Variants in CCDC195 observed in about 807,000 individuals in gnomAD.
CCDC195 encodes coiled-coil domain containing 195, also known as coiled-coil domain-containing protein 195.
chr2:224,710,724 A>G (rs1034206041), intron 1 of CCDC195, among the ~76,000 whole-genome samples: 3 of 152,224 alleles, frequency 2.0e-5, no homozygotes, highest in African/African-American at 4.8e-5. Context: ...TCTTTTTTAA[A>G]AGATGGGAAT....
chr2:224,703,869 G>T, exon 3 of CCDC195: 1 of 398,546 alleles, frequency 2.5e-6, no homozygotes, highest in East Asian at 3.6e-5. Flanking sequence ...ACAGGAAACT[G>T]ACTGCCTTTG....
chr2:224,714,115 C>T (rs1559323167), intron 1 of CCDC195, among the ~76,000 whole-genome samples: 2 of 152,186 alleles, frequency 1.3e-5, no homozygotes, highest in Admixed American at 6.5e-5. Context: ...GCTGGGATTA[C>T]AGGCATGAGC....
At chr2:224,703,977 C>T (rs72966959) in intron 2 of CCDC195, 90 bp from the exon 3 acceptor site, 11,426 of 396,832 alleles carry the variant, frequency 0.029, 231 homozygotes, top group South Asian at 0.042. Flanking sequence ...TCACCAGATA[C>T]TACCTACAGT....
At chr2:224,704,566 C>A (rs1259113554) in intron 2 of CCDC195, among the ~76,000 whole-genome samples, 1 of 147,808 alleles carries the variant, frequency 6.8e-6, no homozygotes, top group Non-Finnish European at 1.5e-5. Context: ...TGGTGGCCTG[C>A]GTCTCAGAAA....
At chr2:224,709,933 T>C (rs10197382) in intron 2 of CCDC195, 40 bp downstream of exon 2, 266,191 of 398,314 alleles carry the variant, frequency 0.67, 90,293 homozygotes, top group African/African-American at 0.87. Flanking sequence ...ACCATCTCAG[T>C]ATGGGCCTAT....
intron 1 of CCDC195, among the ~76,000 whole-genome samples, chr2:224,711,951 A>T (rs548790933): frequency 6.6e-6 from 1 of 152,322 alleles, no homozygotes; most frequent in South Asian, 2.1e-4. Flanking sequence ...AATTATCTAA[A>T]AACAGATCTG....
chr2:224,709,790 A>AT (rs1689290728), intron 2 of CCDC195, among the ~76,000 whole-genome samples, 183 bp downstream of exon 2: 1 of 152,224 alleles, frequency 6.6e-6, no homozygotes, highest in Non-Finnish European at 1.5e-5. Context: ...AGAGGGTGCC[A>AT]TTTAACCTCA....
At position 224,714,003 on chromosome 2, in the gene CCDC195, A is replaced by T. The variant is rs76446972; in HGVS notation, c.235+2128T>A. 4.9e-3 allele frequency among the ~76,000 whole-genome samples: 746 copies of T among 150,840 alleles called. 5 individuals are homozygous for T. The highest frequency in any genetic ancestry group is 0.017 in the African/African-American group (700 of 41,100). The stretch of plus-strand genomic sequence containing the variant: ...ATCCTTTTCTTTTCTTTTCTTTTCT[A>T]TTCTTTTCTTTTCTTTGTAGAGATG... On this transcript the variant is annotated intron_variant, in intron 1 of 2. Coordinates refer to ENST00000638102, the Ensembl canonical transcript of CCDC195.
exon 2 of CCDC195, chr2:224,710,157 C>A: frequency 2.5e-6 from 1 of 398,566 alleles, no homozygotes; most frequent in East Asian, 3.6e-5. Flanking sequence ...TTCCAGGGAT[C>A]ATTTACAGCA....
At chr2:224,712,501 A>G (rs887279056) in intron 1 of CCDC195, among the ~76,000 whole-genome samples, 1 of 152,184 alleles carries the variant, frequency 6.6e-6, no homozygotes, top group Non-Finnish European at 1.5e-5. Context: ...AGTATATTTT[A>G]TCACCACACA....
At chr2:224,705,857 T>G (rs1231257759) in intron 2 of CCDC195, among the ~76,000 whole-genome samples, 2 of 152,212 alleles carry the variant, frequency 1.3e-5, no homozygotes, top group Non-Finnish European at 2.9e-5. Context: ...TGGGTTGTAT[T>G]CTAAATAGTT....
At chr2:224,715,529 G>C (rs1324597792) in intron 1 of CCDC195, among the ~76,000 whole-genome samples, 1 of 152,200 alleles carries the variant, frequency 6.6e-6, no homozygotes. Flanking sequence ...ATAGGAAATA[G>C]TATCTGCCAT....
At chr2:224,710,090 G>A (rs1376603263) in exon 2 of CCDC195, 2 of 398,426 alleles carry the variant, frequency 5.0e-6, no homozygotes, top group African/African-American at 4.1e-5. Context: ...ACATGCCAAT[G>A]ACTTCAGTGT....
chr2:224,705,133 C>T (rs1210159368), intron 2 of CCDC195, among the ~76,000 whole-genome samples: 2 of 152,094 alleles, frequency 1.3e-5, no homozygotes, highest in East Asian at 1.9e-4. Flanking sequence ...TTCTCCAAGG[C>T]CACATTGTTT....
intron 1 of CCDC195, 125 bp from the exon 2 acceptor site, chr2:224,710,344 A>G: frequency 5.1e-6 from 2 of 395,756 alleles, no homozygotes. Flanking sequence ...CTTTTTTGGC[A>G]TAAAAGATAT....
chr2:224,713,936 A>G (rs1296442683), intron 1 of CCDC195, among the ~76,000 whole-genome samples: 2 of 151,714 alleles, frequency 1.3e-5, no homozygotes, highest in African/African-American at 4.8e-5. Flanking sequence ...AGCTCAGTCT[A>G]TAGATGTATG....
intron 2 of CCDC195, among the ~76,000 whole-genome samples, chr2:224,707,801 A>T (rs1194907201): frequency 6.6e-6 from 1 of 152,226 alleles, no homozygotes; most frequent in African/African-American, 2.4e-5. Flanking sequence ...CCTAGACTGA[A>T]AAAATAAAAA....
intron 1 of CCDC195, among the ~76,000 whole-genome samples, chr2:224,711,338 T>C (rs918273230): frequency 3.0e-4 from 46 of 151,274 alleles, no homozygotes; most frequent in African/African-American, 1.1e-3. Flanking sequence ...AACTCTTTCC[T>C]TGAGGTAAAT....
At chr2:224,705,473 A>G (rs1467732697) in intron 2 of CCDC195, among the ~76,000 whole-genome samples, 6 of 152,166 alleles carry the variant, frequency 3.9e-5, no homozygotes, top group African/African-American at 1.2e-4. Flanking sequence ...TTTGTAAAAT[A>G]TTTTCGTGGT....
Sources: gnomAD v4.1 joint callset for allele counts (sites outside exome capture counted in the v4.1 genomes callset) on GRCh38, gnomAD v4.1.1 for gene constraint, MANE v1.5 for transcripts, NCBI Gene and HGNC (gene_info 2026-07-23, HGNC 2026-07-21) for gene names.